PDK4: variants seen among roughly 807,000 people sequenced by gnomAD.
The protein encoded by PDK4 is pyruvate dehydrogenase kinase 4, also known as pyruvate dehydrogenase kinase, isozyme 4.
Under a neutral mutation model 51.7 loss-of-function variants are expected in PDK4, and 43 were observed. The observed-to-expected ratio is 0.83, with a 90% confidence interval of 0.65 to 1.07. The LOEUF is 1.07. Ranked by LOEUF, PDK4 falls within the 50% of genes least tolerant of loss-of-function variation. The pLI is 0.00. For synonymous variants in PDK4, 170 were observed against 176.6 expected (o/e 0.96, Z 0.30); for missense variants, 498 against 503.5 (o/e 0.99, Z 0.10).
chr7:95,593,970 T>A (rs1440162063), intron 2 of PDK4, among the ~76,000 whole-genome samples, 200 bp from the exon 3 acceptor site: 1 of 152,230 alleles, frequency 6.6e-6, no homozygotes, highest in Non-Finnish European at 1.5e-5. Flanking sequence ...AAACTTAAAA[T>A]TTAACGCAAA....
At chr7:95,593,347 C>A (rs975255984) in intron 3 of PDK4, among the ~76,000 whole-genome samples, 1 of 152,068 alleles carries the variant, frequency 6.6e-6, no homozygotes, top group Non-Finnish European at 1.5e-5. Flanking sequence ...TAGCTAGAAA[C>A]TATCAGTTAC....
intron 1 of PDK4, 92 bp downstream of exon 1, chr7:95,596,072 T>TA (rs2116722032): frequency 7.3e-7 from 1 of 1,360,726 alleles, no homozygotes; most frequent in East Asian, 2.7e-5. Context: ...CCAGTTGTTT[T>TA]AGCTTGAGCC....
chr7:95,596,305 C>A lies in PDK4; in HGVS notation c.-12G>T. On this transcript the variant is annotated 5_prime_UTR_variant, in exon 1 of 11. Transcript: ENST00000005178. ...CGGGCCGCCTTCATCTTGACGCCCA[C>A]CCGGCCTGGCGGGGACTGTGGCTGG... 5 of 1,563,718 alleles carry A rather than the reference C, an allele frequency of 3.2e-6. No individual in the cohort carries two copies. The highest frequency in any genetic ancestry group is 3.6e-4 in the Middle Eastern group (2 of 5,552).
In PDK4 at chr7:95,596,231, G is replaced by T; in HGVS notation, c.63C>A (p.Pro21=). ...AGSLNGAGLV[P]REVEHFSRYS... is the part of the protein sequence containing the mutation. ...AGCGCGAGAAATGCTCCACCTCTCG[G>T]GGCACCAGGCCGGCGCCGTTGAGCG... Residue 21 remains proline (P), a synonymous_variant, in exon 1 of 11, where the codon CCC becomes CCA. Transcript: ENST00000005178. The T allele has an allele frequency of 3.1e-6, 5 of 1,603,260 alleles. No individual in the cohort carries two copies. Among genetic ancestry groups the T allele is most frequent in the Non-Finnish European group, 4.3e-6 (5 of 1,175,044 alleles).
In PDK4 at chr7:95,583,787, G is replaced by A. The variant is rs563256021; in HGVS notation, c.*1854C>T. 10 of 152,552 alleles carry A rather than the reference G, an allele frequency of 6.6e-5. No homozygotes were observed. In the South Asian group the frequency reaches 2.1e-3, roughly 32 times the overall value. 9.4% of individuals were successfully genotyped at this position (152,552 alleles called of 1,614,324 possible). ...ATTTGAGTTAATTAATTAATCAACT[G>A]ATTTAAATCTTTGGTAAATACAAGT... On this transcript the variant is annotated 3_prime_UTR_variant, in exon 11 of 11. Coordinates refer to ENST00000005178, the MANE Select transcript of PDK4 (RefSeq NM_002612.4).
At position 95,586,200 on chromosome 7, in the gene PDK4, T is replaced by TTTTTTTTG. The variant is rs1022277597; in HGVS notation, c.1096-420_1096-419insCAAAAAAA. On this transcript the variant is annotated intron_variant, in intron 10 of 10. Transcript: ENST00000005178. ...CAGGAAAATATGCACCAAGGTTTTT[T>TTTTTTTTG]TTTTTTTTTTTTGAGACGGAGTCTA... 2.0e-5 allele frequency among the ~76,000 whole-genome samples: 3 copies of TTTTTTTTG among 147,082 alleles called. 1 individual carries two copies. Among genetic ancestry groups the TTTTTTTTG allele is most frequent in the African/African-American group, 7.7e-5 (3 of 39,086 alleles).
At chr7:95,595,294 G>T (rs1029612812) in intron 1 of PDK4, 130 bp from the exon 2 acceptor site, 3 of 563,924 alleles carry the variant, frequency 5.3e-6, no homozygotes, top group Non-Finnish European at 8.9e-6. Context: ...TTGGGTTACT[G>T]TTAATCGATA....
intron 3 of PDK4, among the ~76,000 whole-genome samples, chr7:95,593,150 G>C (rs1791573685): frequency 6.6e-6 from 1 of 151,930 alleles, no homozygotes; most frequent in Non-Finnish European, 1.5e-5. Context: ...GACTCATTTT[G>C]TTTCTAGCTT....
chr7:95,590,033 G>T (rs1791532427), intron 6 of PDK4, among the ~76,000 whole-genome samples: 1 of 152,010 alleles, frequency 6.6e-6, no homozygotes, highest in African/African-American at 2.4e-5. Flanking sequence ...CTCCCAAACT[G>T]CTGGGATGAT....
At chr7:95,592,696 G>C in intron 4 of PDK4, 64 bp downstream of exon 4, 1 of 1,395,888 alleles carries the variant, frequency 7.2e-7, no homozygotes, top group Non-Finnish European at 1.0e-6. Context: ...GAGACATCTA[G>C]TTATAGTATG....
Position 95,587,064 on chromosome 7 carries a change from A to T in PDK4, c.1041T>A (p.Asp347Glu), listed in dbSNP as rs369830227. Residue 347 changes from aspartate to glutamate, a missense_variant, in exon 10 of 11, where the codon GAT becomes GAA. Physicochemically the swap from Asp to Glu is conservative, Grantham distance 45 (BLOSUM62 2). Transcript: ENST00000005178. ...SRLYAKYFQG[D>E]LNLYSLSGYG... ...ATCCTGATAAAGAGTAGAGATTCAG[A>T]TCTCCTTGAAAGTACTTTGCATACA... The T allele has an allele frequency of 8.7e-6, 14 of 1,612,550 alleles. No homozygotes were observed. The African/African-American group carries it at 1.7e-4, about 20-fold the overall frequency.
intron 7 of PDK4, 134 bp from the exon 8 acceptor site, chr7:95,587,959 A>G: frequency 1.6e-6 from 1 of 639,380 alleles, no homozygotes; most frequent in Non-Finnish European, 2.7e-6. Flanking sequence ...TAGTAGTAAA[A>G]CAGCTTTGTA....
rs557813128 is a variant in PDK4 at position 95,587,138 on chromosome 7, C to T, written c.982-15G>A. The T allele has an allele frequency of 1.1e-5, 16 of 1,446,616 alleles. No individual in the cohort carries two copies. In the East Asian group the frequency reaches 1.4e-4, roughly 12 times the overall value. The allele number at this position is 1,446,616 out of a possible 1,614,324, so 89.6% of individuals were successfully genotyped here. A position where few individuals can be genotyped will look rare whatever the true frequency, so the allele number is the denominator to read the frequency against. On this transcript the variant is annotated splice_polypyrimidine_tract_variant and intron_variant, in intron 9 of 10. Coordinates refer to ENST00000005178, the MANE Select transcript of PDK4 (RefSeq NM_002612.4). The stretch of plus-strand genomic sequence containing the variant: ...CCAAAACCAGCCTAGAGAAGAGAGA[C>T]GTTATCAGGTAAAGAAGTGTATGTG...
chr7:95,592,371 A>G (rs1318016937), intron 5 of PDK4, 140 bp downstream of exon 5: 5 of 642,436 alleles, frequency 7.8e-6, no homozygotes, highest in Non-Finnish European at 1.4e-5. Context: ...TCAAAAGCAA[A>G]GGACCTTGAA....
intron 6 of PDK4, among the ~76,000 whole-genome samples, chr7:95,591,701 A>G (rs757349957): frequency 2.0e-5 from 3 of 152,304 alleles, no homozygotes; most frequent in Non-Finnish European, 4.4e-5. Context: ...TTCTATAGGA[A>G]GTAATCTTTC....
intron 7 of PDK4, 61 bp downstream of exon 7, chr7:95,589,578 TA>T (rs1791526975): frequency 2.4e-6 from 2 of 834,144 alleles, no homozygotes; most frequent in African/African-American, 1.7e-5. Context: ...ATAAAGGAGA[TA>T]AAAATATAAC....
At position 95,587,776 on chromosome 7, in the gene PDK4, G is replaced by GT. The variant is rs1237121825; in HGVS notation, c.820dup (p.Thr274AsnfsTer17). 6.2e-7 allele frequency: 1 copy of GT among 1,613,516 alleles called. No homozygotes were observed. The highest frequency in any genetic ancestry group is 1.7e-5 in the Admixed American group (1 of 60,024). ...CAAGACAACAATAACCTCTATTGGT[G>GT]TAAGGGAAGGCTGATTTTCCTGGTG... is the stretch of plus-strand genomic sequence containing the variant. On this transcript the variant is annotated frameshift_variant, in exon 8 of 11. Coordinates refer to ENST00000005178, the MANE Select transcript of PDK4 (RefSeq NM_002612.4). LOFTEE classifies it high-confidence loss of function.
chr7:95,594,076 CT>C (rs1376182679), intron 2 of PDK4, among the ~76,000 whole-genome samples: 3 of 152,090 alleles, frequency 2.0e-5, no homozygotes, highest in East Asian at 3.8e-4. Context: ...TTAGAAACAA[CT>C]TTTTTTAAAG....
At position 95,596,222 on chromosome 7, in the gene PDK4, C is replaced by T. The variant is rs568507969; in HGVS notation, c.72G>A (p.Val24=). The part of the protein sequence containing the change: ...LNGAGLVPRE[V]EHFSRYSPSP... ...ACGGGCTGTAGCGCGAGAAATGCTC[C>T]ACCTCTCGGGGCACCAGGCCGGCGC... is the stretch of plus-strand genomic sequence containing the variant. The change falls in exon 1 of 11, where the codon GTG becomes GTA. Residue 24 remains valine (V), a synonymous_variant. Coordinates refer to ENST00000005178, the MANE Select transcript of PDK4 (RefSeq NM_002612.4). 1.2e-6 allele frequency: 2 copies of T among 1,606,068 alleles called. No individual in the cohort carries two copies. The highest frequency in any genetic ancestry group is 2.2e-5 in the South Asian group (2 of 90,202).
Sources: allele counts gnomAD v4.1 joint callset (sites outside exome capture counted in the v4.1 genomes callset), GRCh38; gene constraint gnomAD v4.1.1; transcripts MANE v1.5; gene names NCBI Gene and HGNC (gene_info 2026-07-23, HGNC 2026-07-21).